Variants in EPHA6 observed in about 807,000 individuals in gnomAD.
The protein encoded by EPHA6 is ephrin type-A receptor 6.
EPHA6 carries 50 observed loss-of-function variants against 112.0 expected under a neutral mutation model. That is an observed-to-expected ratio of 0.45 (90% CI 0.36 to 0.56). The LOEUF (loss-of-function observed/expected upper bound fraction) is 0.56. Ranked by LOEUF, EPHA6 falls within the 20% of genes least tolerant of loss-of-function variation. The probability of loss-of-function intolerance (pLI) is 0.00; values close to 1 mark genes in which losing one functional copy is unlikely to be tolerated. For synonymous variants in EPHA6, 529 were observed against 490.7 expected (o/e 1.08, Z -1.03); for missense variants, 1,280 against 1,417.4 (o/e 0.90, Z 1.56).
intron 5 of EPHA6, among the ~76,000 whole-genome samples, chr3:97,255,228 A>T (rs898930823): frequency 9.2e-5 from 14 of 151,964 alleles, no homozygotes; most frequent in African/African-American, 3.4e-4. Context: ...AATGAGTGCT[A>T]TGAAAACGTT....
chr3:97,508,739 C>G (rs1242916226), intron 10 of EPHA6, among the ~76,000 whole-genome samples: 1 of 152,012 alleles, frequency 6.6e-6, no homozygotes, highest in South Asian at 2.1e-4. Flanking sequence ...ATTGATTTGT[C>G]TAACATTGAC....
chr3:96,925,869 G>A (rs1338469089), intron 2 of EPHA6, among the ~76,000 whole-genome samples: 1 of 152,080 alleles, frequency 6.6e-6, no homozygotes, highest in East Asian at 1.9e-4. Context: ...GCCTCCCAAA[G>A]TGCTGAGATT....
intron 3 of EPHA6, among the ~76,000 whole-genome samples, chr3:96,996,410 A>G (rs971072227): frequency 6.6e-6 from 1 of 152,032 alleles, no homozygotes. Flanking sequence ...GAGTATTTTC[A>G]GTTTACTTTG....
At chr3:97,554,042 C>T (rs1476862090) in intron 11 of EPHA6, among the ~76,000 whole-genome samples, 2 of 152,100 alleles carry the variant, frequency 1.3e-5, no homozygotes, top group African/African-American at 4.8e-5. Flanking sequence ...AAAGAAAGTA[C>T]ATTATTAACA....
intron 14 of EPHA6, among the ~76,000 whole-genome samples, chr3:97,644,648 T>C (rs1379010810): frequency 6.6e-6 from 1 of 151,210 alleles, no homozygotes; most frequent in Admixed American, 6.6e-5. Flanking sequence ...CATCAGAGAA[T>C]ACTACAAACA....
At chr3:97,517,593 G>A (rs1447703208) in intron 10 of EPHA6, among the ~76,000 whole-genome samples, 2 of 151,882 alleles carry the variant, frequency 1.3e-5, no homozygotes, top group African/African-American at 2.4e-5. Context: ...TATTTTTGTG[G>A]TGAAAACATT....
intron 3 of EPHA6, among the ~76,000 whole-genome samples, chr3:97,179,462 A>T (rs1236340528): frequency 6.6e-6 from 1 of 151,942 alleles, no homozygotes; most frequent in African/African-American, 2.4e-5. Context: ...ATGGTTAGGT[A>T]TTTATTGTGG....
At chr3:97,573,529 T>C (rs1469343768) in intron 11 of EPHA6, among the ~76,000 whole-genome samples, 1 of 152,140 alleles carries the variant, frequency 6.6e-6, no homozygotes, top group Non-Finnish European at 1.5e-5. Flanking sequence ...TTTATTAAGG[T>C]ATAATTTGTC....
chr3:97,599,783 G>GT (rs1239423244), intron 12 of EPHA6, among the ~76,000 whole-genome samples: 7 of 152,094 alleles, frequency 4.6e-5, no homozygotes, highest in African/African-American at 1.2e-4. Context: ...CTTTAAAGTA[G>GT]TTTTTTCCAA....
chr3:96,893,826 T>G (rs568849363), intron 2 of EPHA6, among the ~76,000 whole-genome samples: 13 of 152,220 alleles, frequency 8.5e-5, no homozygotes, highest in Non-Finnish European at 1.8e-4. Flanking sequence ...ATGCTGAATT[T>G]ACTGCTAGCT....
At chr3:97,600,104 G>T (rs2093630937) in intron 12 of EPHA6, among the ~76,000 whole-genome samples, 1 of 149,892 alleles carries the variant, frequency 6.7e-6, no homozygotes. Flanking sequence ...TGTGATTTTT[G>T]TACATTGATT....
intron 2 of EPHA6, among the ~76,000 whole-genome samples, chr3:96,980,156 G>A (rs1195614953): frequency 2.6e-5 from 4 of 152,150 alleles, no homozygotes; most frequent in Non-Finnish European, 5.9e-5. Flanking sequence ...TATTACCTAG[G>A]TTTTCTTCTA....
At chr3:97,672,797 G>C (rs1001260451) in intron 14 of EPHA6, among the ~76,000 whole-genome samples, 2 of 152,176 alleles carry the variant, frequency 1.3e-5, no homozygotes, top group African/African-American at 4.8e-5. Context: ...CTACTCACAA[G>C]ATCATGTGAG....
chr3:97,391,389 C>T (rs2086387099), intron 5 of EPHA6, among the ~76,000 whole-genome samples: 3 of 151,846 alleles, frequency 2.0e-5, no homozygotes, highest in Non-Finnish European at 4.4e-5. Flanking sequence ...AATTTAGCAC[C>T]GTTGGTACAG....
intron 2 of EPHA6, among the ~76,000 whole-genome samples, chr3:96,984,438 C>A (rs1000924773): frequency 2.0e-5 from 3 of 152,134 alleles, no homozygotes; most frequent in African/African-American, 7.2e-5. Flanking sequence ...GGGTACCTGG[C>A]CGTGTGAGGT....
chr3:97,410,015 A>T (rs1450167035), intron 6 of EPHA6, among the ~76,000 whole-genome samples: 1 of 152,076 alleles, frequency 6.6e-6, no homozygotes, highest in Non-Finnish European at 1.5e-5. Context: ...TGTATTATTT[A>T]AAAAATATAA....
At chr3:97,192,046 TTATTG>T (rs1172298357) in intron 3 of EPHA6, among the ~76,000 whole-genome samples, 5 of 152,188 alleles carry the variant, frequency 3.3e-5, no homozygotes, top group South Asian at 2.1e-4. Flanking sequence ...AGATGATATC[TTATTG>T]TATTTTTGAT....
intron 5 of EPHA6, among the ~76,000 whole-genome samples, chr3:97,368,493 A>C (rs1367346541): frequency 6.6e-6 from 1 of 152,166 alleles, no homozygotes; most frequent in Non-Finnish European, 1.5e-5. Context: ...TTCCTTATTA[A>C]AATACAAAAT....
At chr3:96,829,988 C>CACAG (rs1320137235) in intron 1 of EPHA6, among the ~76,000 whole-genome samples, 11 of 149,070 alleles carry the variant, frequency 7.4e-5, no homozygotes, top group Non-Finnish European at 1.6e-4. Flanking sequence ...CACACACACA[C>CACAG]AGAAATGGTA....
Sources: gnomAD v4.1 joint callset for allele counts (sites outside exome capture counted in the v4.1 genomes callset) on GRCh38, gnomAD v4.1.1 for gene constraint, MANE v1.5 for transcripts, NCBI Gene and HGNC (gene_info 2026-07-23, HGNC 2026-07-21) for gene names.